Variants in SHANK2 observed in about 807,000 individuals in gnomAD.
The protein encoded by SHANK2 is SH3 and multiple ankyrin repeat domains 2, also known as SH3 and multiple ankyrin repeat domains protein 2.
A neutral mutation model predicts 133.7 loss-of-function variants in SHANK2; 43 were observed. The ratio of observed to expected loss-of-function variants is 0.32; its 90% CI spans 0.25 to 0.41. SHANK2 has a LOEUF of 0.41. Ranked by LOEUF, SHANK2 falls within the 10% of genes least tolerant of loss-of-function variation. The probability of loss-of-function intolerance (pLI) is 1.00; values close to 1 mark genes in which losing one functional copy is unlikely to be tolerated. For synonymous variants in SHANK2, 1,017 were observed against 952.8 expected, an observed-to-expected ratio of 1.07 and a Z score of -1.24; for missense variants, 1,994 against 2,235.8, an observed-to-expected ratio of 0.89 and a Z score of 2.18.
intron 15 of SHANK2, among the ~76,000 whole-genome samples, chr11:70,694,346 T>C (rs12287093): frequency 0.15 from 23,042 of 152,252 alleles, 2,966 homozygotes; most frequent in African/African-American, 0.35. Flanking sequence ...TTTCAACATT[T>C]GGCTCTCCAG....
At chr11:70,941,903 A>G (rs565955432) in intron 10 of SHANK2, among the ~76,000 whole-genome samples, 1 of 151,922 alleles carries the variant, frequency 6.6e-6, no homozygotes. Flanking sequence ...TCATTTCAAA[A>G]GAAAAGAGGG....
intron 2 of SHANK2, among the ~76,000 whole-genome samples, chr11:71,203,290 A>C (rs534297001): frequency 1.8e-4 from 27 of 152,358 alleles, no homozygotes; most frequent in African/African-American, 6.0e-4. Flanking sequence ...CACATGCCTA[A>C]GAGATAGGTG....
chr11:70,715,913 G>A (rs968463310), intron 14 of SHANK2, among the ~76,000 whole-genome samples: 14 of 152,216 alleles, frequency 9.2e-5, no homozygotes, highest in East Asian at 3.9e-4. Flanking sequence ...ACTTGTCCAC[G>A]GCTGAGCTAA....
intron 1 of SHANK2, among the ~76,000 whole-genome samples, chr11:71,244,811 C>T (rs1420338838): frequency 1.3e-5 from 2 of 152,118 alleles, no homozygotes; most frequent in African/African-American, 4.8e-5. Context: ...CAAGTGATCT[C>T]TTGTGCCTTA....
chr11:70,512,458 T>G (rs2135886036), intron 17 of SHANK2, among the ~76,000 whole-genome samples: 1 of 152,370 alleles, frequency 6.6e-6, no homozygotes, highest in South Asian at 2.1e-4. Context: ...TAGCTTAAAC[T>G]CTATAGTATA....
chr11:70,814,930 GC>G (rs149157401), intron 12 of SHANK2, among the ~76,000 whole-genome samples: 12,176 of 152,214 alleles, frequency 0.08, 599 homozygotes, highest in East Asian at 0.15. Flanking sequence ...AGGCCAACCA[GC>G]CCCTTGGCAG....
rs149395230 is a variant in SHANK2 at position 70,741,218 on chromosome 11, T to C, written c.1778-42455A>G. 7.3e-4 allele frequency among the ~76,000 whole-genome samples: 111 copies of C among 151,278 alleles called. 1 individual carries two copies. The highest frequency in any genetic ancestry group is 8.8e-5 in the Non-Finnish European group (6 of 67,872). On this transcript the variant is annotated intron_variant, in intron 14 of 25. Transcript: ENST00000601538. ...AACCACCCATCTATCCAAACATTCATGCATTTAACCATGCATCCATCCATC... is the reference window on the plus strand; with the variant it reads ...AACCACCCATCTATCCAAACATTCACGCATTTAACCATGCATCCATCCATC...
In SHANK2 at chr11:70,739,256, A is replaced by G. The variant is rs1404650592; in HGVS notation, c.1778-40493T>C. On this transcript the variant is annotated intron_variant, in intron 14 of 25. Coordinates refer to ENST00000601538, the MANE Select transcript of SHANK2 (RefSeq NM_012309.5). The surrounding 1 kb of genome is among the most constrained non-coding windows in gnomAD (Gnocchi z 4.3). Reference sequence around the variant, plus strand: ...TCAGGGGCACACAAAGCCCAGACGCAGACCCGGGGCATCTCCCATCTCCAC... The same window carrying G: ...TCAGGGGCACACAAAGCCCAGACGCGGACCCGGGGCATCTCCCATCTCCAC... Among the ~76,000 whole-genome samples, 1 of 152,206 alleles carries G rather than the reference A, an allele frequency of 6.6e-6. No individual in the cohort carries two copies. The highest frequency in any genetic ancestry group is 1.5e-5 in the Non-Finnish European group (1 of 68,042).
intron 17 of SHANK2, among the ~76,000 whole-genome samples, chr11:70,608,110 T>C (rs1373818695): frequency 6.6e-6 from 1 of 152,208 alleles, no homozygotes; most frequent in Non-Finnish European, 1.5e-5. Context: ...GCTGCTCTTG[T>C]GGGAAATCGG....
chr11:71,099,906 A>T (rs1951689765), intron 6 of SHANK2, among the ~76,000 whole-genome samples: 1 of 152,126 alleles, frequency 6.6e-6, no homozygotes, highest in Non-Finnish European at 1.5e-5. Context: ...AAAATTTGCC[A>T]GGCATAGTGG....
chr11:70,798,422 G>A (rs886178434), intron 14 of SHANK2, 21 bp downstream of exon 14: 8 of 717,118 alleles, frequency 1.1e-5, no homozygotes, highest in Admixed American at 4.0e-5. Context: ...GAGGGTGGGC[G>A]GCCACGAGCG....
intron 3 of SHANK2, among the ~76,000 whole-genome samples, chr11:71,126,725 C>CTTTTTT (rs200961805): frequency 2.2e-4 from 29 of 130,270 alleles, no homozygotes; most frequent in African/African-American, 7.8e-4. Context: ...TCATAAACGA[C>CTTTTTT]TTTTTTTTTT....
chr11:70,545,176 G>C (rs782264633), intron 17 of SHANK2, among the ~76,000 whole-genome samples: 1 of 152,234 alleles, frequency 6.6e-6, no homozygotes, highest in Non-Finnish European at 1.5e-5. Flanking sequence ...AGAATGGATG[G>C]AAGTGGCTCC....
chr11:70,746,087 G>A (rs1555035992), intron 14 of SHANK2, among the ~76,000 whole-genome samples: 1 of 152,204 alleles, frequency 6.6e-6, no homozygotes, highest in East Asian at 1.9e-4. Flanking sequence ...CCGAGACAGG[G>A]CTGAGGACCT....
At chr11:70,837,637 T>C (rs1948839552) in intron 11 of SHANK2, among the ~76,000 whole-genome samples, 1 of 152,154 alleles carries the variant, frequency 6.6e-6, no homozygotes, top group South Asian at 2.1e-4. Flanking sequence ...CAGTCTGTCT[T>C]AATCACCACT....
At chr11:71,073,379 G>A (rs1339866490) in intron 9 of SHANK2, among the ~76,000 whole-genome samples, 2 of 151,528 alleles carry the variant, frequency 1.3e-5, no homozygotes, top group African/African-American at 4.8e-5. Context: ...GGCTGGTCTT[G>A]AACTCTGACC....
intron 8 of SHANK2, among the ~76,000 whole-genome samples, chr11:71,085,474 AAT>A (rs1268392548): frequency 1.6e-3 from 195 of 125,568 alleles, no homozygotes; most frequent in Non-Finnish European, 2.0e-3. Context: ...ATATATATAT[AAT>A]ATATATGTTA....
chr11:70,622,912 C>T (rs1223167518), intron 17 of SHANK2, among the ~76,000 whole-genome samples: 1 of 152,154 alleles, frequency 6.6e-6, no homozygotes, highest in Non-Finnish European at 1.5e-5. Flanking sequence ...TGCGGTGGCT[C>T]ACACCTGTAA....
chr11:70,492,666 G>A (rs925917441), intron 21 of SHANK2, among the ~76,000 whole-genome samples: 5 of 152,162 alleles, frequency 3.3e-5, no homozygotes, highest in Non-Finnish European at 7.3e-5. Context: ...CCTTGCCCTC[G>A]GAGGCATGCA....
Sources: gnomAD v4.1 joint callset for allele counts (sites outside exome capture counted in the v4.1 genomes callset) on GRCh38, gnomAD v4.1.1 for gene constraint, Gnocchi (gnomAD v3.1) non-coding constraint, MANE v1.5 for transcripts, NCBI Gene and HGNC (gene_info 2026-07-23, HGNC 2026-07-21) for gene names.